CPB2: variants seen among roughly 807,000 people sequenced by gnomAD.
CPB2 encodes carboxypeptidase B-like protein.
In CPB2, 54 loss-of-function variants were observed where a neutral mutation model predicts 57.0. The observed-to-expected ratio is 0.95, with a 90% CI of 0.76 to 1.19. The LOEUF (loss-of-function observed/expected upper bound fraction) is 1.19. Among genes scored for constraint, CPB2 ranks in the 50% most tolerant of loss-of-function variants. The pLI, the probability that CPB2 is intolerant of heterozygous loss-of-function variation, is 0.00. For synonymous variants in CPB2, 189 were observed against 178.1 expected (o/e 1.06, Z -0.49); for missense variants, 426 against 512.0 (o/e 0.83, Z 1.62).
intron 6 of CPB2, among the ~76,000 whole-genome samples, chr13:46,068,603 T>C (rs2044890006): frequency 6.6e-6 from 1 of 152,172 alleles, no homozygotes; most frequent in Non-Finnish European, 1.5e-5. Context: ...GCAGGTTTGT[T>C]ACATAGTTAT....
intron 1 of CPB2, among the ~76,000 whole-genome samples, chr13:46,094,350 T>G (rs758030035): frequency 6.6e-6 from 1 of 152,226 alleles, no homozygotes; most frequent in Non-Finnish European, 1.5e-5. Flanking sequence ...AGGAACTAAC[T>G]AGAATGTTAA....
At chr13:46,081,684 A>C (rs2045120789) in intron 4 of CPB2, among the ~76,000 whole-genome samples, 1 of 152,232 alleles carries the variant, frequency 6.6e-6, no homozygotes, top group South Asian at 2.1e-4. Context: ...GTCAAAGATG[A>C]CAAAAATAGT....
intron 8 of CPB2, among the ~76,000 whole-genome samples, chr13:46,063,294 A>G (rs1460920651): frequency 6.6e-6 from 1 of 152,150 alleles, no homozygotes; most frequent in Non-Finnish European, 1.5e-5. Flanking sequence ...CCACTTAGGT[A>G]CTTTTTCAAC....
At chr13:46,070,798 A>C (rs1279564096) in intron 6 of CPB2, among the ~76,000 whole-genome samples, 1 of 152,216 alleles carries the variant, frequency 6.6e-6, no homozygotes, top group Non-Finnish European at 1.5e-5. Flanking sequence ...GTAGCCAATG[A>C]CAATAAAGTA....
In CPB2 at chr13:46,058,202, T is replaced by G; in HGVS notation, c.976A>C (p.Lys326Gln). Residue 326 changes from lysine to glutamine, a missense_variant, in exon 9 of 11, where the codon AAA becomes CAA. By Grantham distance (53) the Lys-to-Gln change is moderately conservative (BLOSUM62 1). Coordinates refer to ENST00000181383, the MANE Select transcript of CPB2 (RefSeq NM_001872.5). ...ACCAGTTCCTCATGGTCTTTGCTTT[T>G]ACTTCGTGTATAGGAATATGGAAAC... is the stretch of plus-strand genomic sequence containing the variant. Reference protein sequence around the residue: ...IVFPYSYTRSKSKDHEELSLV... With the variant: ...IVFPYSYTRSQSKDHEELSLV... 6.2e-7 allele frequency: 1 copy of G among 1,613,888 alleles called. No homozygotes were observed. The highest frequency in any genetic ancestry group is 8.5e-7 in the Non-Finnish European group (1 of 1,179,748).
chr13:46,056,038 A>G (rs1194986867), intron 9 of CPB2, among the ~76,000 whole-genome samples, 189 bp from the exon 10 acceptor site: 2 of 152,034 alleles, frequency 1.3e-5, no homozygotes, highest in African/African-American at 4.8e-5. Flanking sequence ...GGCAATCACA[A>G]TTGGGTGGCT....
chr13:46,062,784 T>C (rs2044794160), intron 8 of CPB2, among the ~76,000 whole-genome samples: 2 of 152,202 alleles, frequency 1.3e-5, no homozygotes, highest in Non-Finnish European at 2.9e-5. Flanking sequence ...AATAAGGAAA[T>C]AAGGTAAGTG....
intron 5 of CPB2, 34 bp downstream of exon 5, chr13:46,078,765 AC>A (rs769704461): frequency 7.6e-7 from 1 of 1,317,212 alleles, no homozygotes; most frequent in Non-Finnish European, 1.1e-6. Context: ...CCCTCCCCTC[AC>A]AGTGAAAGAT....
intron 1 of CPB2, chr13:46,094,961 C>G (rs1205947494): frequency 6.6e-6 from 1 of 152,114 alleles, no homozygotes; most frequent in African/African-American, 2.4e-5. Context: ...GATCATGACT[C>G]CTTCAGTCCT....
At chr13:46,102,592 G>GCATT (rs759144981) in intron 1 of CPB2, among the ~76,000 whole-genome samples, 1 of 116,304 alleles carries the variant, frequency 8.6e-6, no homozygotes. Context: ...CAGACTGTTA[G>GCATT]TTTTTTTTTT....
intron 1 of CPB2, among the ~76,000 whole-genome samples, chr13:46,104,695 G>A (rs1261087583): frequency 1.3e-5 from 2 of 152,152 alleles, no homozygotes; most frequent in Non-Finnish European, 2.9e-5. Context: ...CTGGATATGC[G>A]TATCATCCAA....
At chr13:46,073,521 AAG>A in intron 6 of CPB2, 1 of 971,518 alleles carries the variant, frequency 1.0e-6, no homozygotes, top group Non-Finnish European at 1.2e-6. Flanking sequence ...TTAAAACCAA[AAG>A]AGAAATAAAT....
At chr13:46,063,429 T>C (rs1421513100) in intron 8 of CPB2, among the ~76,000 whole-genome samples, 1 of 152,214 alleles carries the variant, frequency 6.6e-6, no homozygotes, top group Non-Finnish European at 1.5e-5. Context: ...TATTTGATTT[T>C]CTGTTTCTGT....
chr13:46,078,299 TTC>T (rs995529663), intron 5 of CPB2, among the ~76,000 whole-genome samples: 2 of 152,268 alleles, frequency 1.3e-5, no homozygotes, highest in African/African-American at 4.8e-5. Context: ...CTGTTTTATT[TTC>T]TGTTAGTGTT....
chr13:46,095,759 T>C (rs2045356263), intron 1 of CPB2, among the ~76,000 whole-genome samples: 1 of 152,056 alleles, frequency 6.6e-6, no homozygotes, highest in Non-Finnish European at 1.5e-5. Context: ...GTGTTAGTGC[T>C]AATACCACAT....
chr13:46,085,859 G>A (rs895612383), intron 2 of CPB2, among the ~76,000 whole-genome samples: 4 of 152,188 alleles, frequency 2.6e-5, no homozygotes, highest in African/African-American at 9.7e-5. Context: ...GCTCAGGCCC[G>A]CTGAGCCCAC....
At chr13:46,063,580 C>A (rs1329474137) in intron 8 of CPB2, among the ~76,000 whole-genome samples, 1 of 152,102 alleles carries the variant, frequency 6.6e-6, no homozygotes, top group Non-Finnish European at 1.5e-5. Context: ...TTGACAGACA[C>A]CTAGATTGAT....
intron 6 of CPB2, among the ~76,000 whole-genome samples, chr13:46,069,738 T>G (rs2044910030): frequency 6.6e-6 from 1 of 152,224 alleles, no homozygotes; most frequent in African/African-American, 2.4e-5. Flanking sequence ...GTTTTTCTGC[T>G]CATAAGTTGA....
At chr13:46,078,137 C>T (rs2045052693) in intron 5 of CPB2, among the ~76,000 whole-genome samples, 1 of 151,930 alleles carries the variant, frequency 6.6e-6, no homozygotes, top group South Asian at 2.1e-4. Context: ...ACATTGTATG[C>T]ATGTATCAAA....
Sources: gnomAD v4.1 joint callset for allele counts (sites outside exome capture counted in the v4.1 genomes callset) on GRCh38, gnomAD v4.1.1 for gene constraint, MANE v1.5 for transcripts, NCBI Gene and HGNC (gene_info 2026-07-23, HGNC 2026-07-21) for gene names.